The following ANO2 variants were observed in gnomAD, a reference collection of about 807,000 sequenced individuals.
ANO2 encodes anoctamin 2, also known as anoctamin-2.
A neutral mutation model predicts 124.2 loss-of-function variants in ANO2; 101 were observed. The ratio of observed to expected loss-of-function variants is 0.81; its 90% CI spans 0.69 to 0.96. The LOEUF is 0.96. Ranked by LOEUF, ANO2 falls within the 40% of genes least tolerant of loss-of-function variation. The probability of loss-of-function intolerance (pLI) is 0.00; values close to 1 mark genes in which losing one functional copy is unlikely to be tolerated. For synonymous variants in ANO2, 486 were observed against 482.5 expected, an observed-to-expected ratio of 1.01 and a Z score of -0.09; for missense variants, 1,293 against 1,274.5, an observed-to-expected ratio of 1.01 and a Z score of -0.22.
chr12:5,568,226 G>A (rs1941892607), intron 23 of ANO2, among the ~76,000 whole-genome samples: 2 of 136,242 alleles, frequency 1.5e-5, no homozygotes, highest in South Asian at 2.5e-4. Flanking sequence ...TGCAACCTCC[G>A]CCTCCCAGGT....
intron 1 of ANO2, 38 bp downstream of exon 1, chr12:5,945,158 T>G: frequency 7.8e-7 from 1 of 1,284,586 alleles, no homozygotes; most frequent in Non-Finnish European, 1.0e-6. Context: ...TCCTACCACC[T>G]GTAGGAGACC....
At chr12:5,680,326 T>G (rs932223313) in intron 14 of ANO2, among the ~76,000 whole-genome samples, 8 of 152,070 alleles carry the variant, frequency 5.3e-5, no homozygotes, top group African/African-American at 1.9e-4. Flanking sequence ...AGAATCCACC[T>G]GCACCCACTT....
intron 15 of ANO2, among the ~76,000 whole-genome samples, chr12:5,640,641 T>C (rs4930774): frequency 0.15 from 22,811 of 152,168 alleles, 1,961 homozygotes; most frequent in African/African-American, 0.22. Flanking sequence ...TCATCACTGG[T>C]CATCAGAGAA....
chr12:5,751,012 A>G, intron 10 of ANO2, 42 bp from the exon 11 acceptor site: 2 of 1,536,924 alleles, frequency 1.3e-6, no homozygotes. Context: ...TATTAAGAAC[A>G]TCATATACTT....
At chr12:5,923,258 ACACACACAC>A (rs1565784572) in intron 1 of ANO2, among the ~76,000 whole-genome samples, 286 of 8,668 alleles carry the variant, frequency 0.033, 21 homozygotes, top group African/African-American at 0.091. Context: ...ACACACACAT[ACACACACAC>A]ACACACACAC....
chr12:5,603,349 G>A (rs935595529), intron 19 of ANO2, among the ~76,000 whole-genome samples: 2 of 152,194 alleles, frequency 1.3e-5, no homozygotes, highest in African/African-American at 4.8e-5. Flanking sequence ...TGTTATAAAG[G>A]GAGAAGTTTA....
chr12:5,832,669 A>G (rs1954194250), intron 4 of ANO2, 66 bp from the exon 5 acceptor site: 2 of 1,501,008 alleles, frequency 1.3e-6, no homozygotes. Context: ...TGGCTTCACA[A>G]AAAAAAGCTG....
chr12:5,916,507 A>T (rs1244830965), intron 3 of ANO2, among the ~76,000 whole-genome samples: 4 of 150,952 alleles, frequency 2.6e-5, no homozygotes, highest in African/African-American at 9.7e-5. Context: ...AAAAAAAAAA[A>T]AAAAAAGGCA....
chr12:5,564,113 C>T (rs1214398908), intron 24 of ANO2, among the ~76,000 whole-genome samples: 2 of 152,206 alleles, frequency 1.3e-5, no homozygotes, highest in Non-Finnish European at 2.9e-5. Flanking sequence ...CGGGCCTTCA[C>T]TGACCCAACC....
chr12:5,640,796 G>C (rs187159384), intron 15 of ANO2, among the ~76,000 whole-genome samples: 57 of 152,312 alleles, frequency 3.7e-4, no homozygotes, highest in Non-Finnish European at 6.8e-4. Context: ...CTAGTTCAAC[G>C]ATTGTGGAAG....
chr12:5,739,735 G>A (rs924865651), intron 12 of ANO2, among the ~76,000 whole-genome samples: 2 of 152,066 alleles, frequency 1.3e-5, no homozygotes, highest in Non-Finnish European at 2.9e-5. Flanking sequence ...GGGTCTGCAG[G>A]ATTTTTTGAC....
chr12:5,693,732 C>G (rs1278610247), intron 14 of ANO2, among the ~76,000 whole-genome samples: 1 of 152,170 alleles, frequency 6.6e-6, no homozygotes, highest in Non-Finnish European at 1.5e-5. Context: ...CCACACTGAC[C>G]TCTTTGCTGT....
chr12:5,786,461 C>T (rs953858477), intron 10 of ANO2, among the ~76,000 whole-genome samples: 1 of 152,106 alleles, frequency 6.6e-6, no homozygotes, highest in Non-Finnish European at 1.5e-5. Context: ...ACATGATATC[C>T]CTGTCCCCTT....
intron 16 of ANO2, among the ~76,000 whole-genome samples, chr12:5,627,236 TC>T (rs201143709): frequency 6.6e-6 from 1 of 150,864 alleles, no homozygotes. Flanking sequence ...ATGGAGGGGG[TC>T]CCCCAACAAG....
chr12:5,919,481 G>A (rs1941572210), intron 3 of ANO2, among the ~76,000 whole-genome samples: 1 of 149,074 alleles, frequency 6.7e-6, no homozygotes. Context: ...AAAGCAGAGA[G>A]GGCAACAGCA....
rs76299229 is a variant in ANO2 at position 5,924,789 on chromosome 12, T to C, written c.23-1985A>G. Among the ~76,000 whole-genome samples the C allele has an allele frequency of 9.8e-3, 1,489 of 152,186 alleles. 16 individuals carry two copies. The highest frequency in any genetic ancestry group is 0.034 in the African/African-American group (1,397 of 41,492). Reference sequence around the variant, plus strand: ...TGCAGATTCCCACAGCCTCCCTCTTTCCCCCACAGCCTGCTTTTCCCCGTT... The same window carrying C: ...TGCAGATTCCCACAGCCTCCCTCTTCCCCCCACAGCCTGCTTTTCCCCGTT... On this transcript the variant is annotated intron_variant, in intron 1 of 24. Transcript: ENST00000682330.
chr12:5,889,114 C>T lies in ANO2; in HGVS notation c.534+31926G>A, dbSNP rs552869411. ...CAGGTGCTAAGCCTCTCACTGCCCA[C>T]GGCCGGCGGGCCGGCTGGTTGCTCC... On this transcript the variant is annotated intron_variant, in intron 3 of 24. Coordinates refer to ENST00000682330, the MANE Select transcript of ANO2 (RefSeq NM_001364791.2). Among the ~76,000 whole-genome samples, 384 of 152,340 alleles carry T rather than the reference C, an allele frequency of 2.5e-3. 3 individuals are homozygous for T. Among genetic ancestry groups the T allele is most frequent in the African/African-American group, 8.7e-3 (363 of 41,592 alleles).
At chr12:5,722,663 G>A (rs1391278513) in intron 14 of ANO2, among the ~76,000 whole-genome samples, 1 of 152,150 alleles carries the variant, frequency 6.6e-6, no homozygotes, top group Non-Finnish European at 1.5e-5. Context: ...TGGCACCCTG[G>A]GGTGTCTCGG....
intron 3 of ANO2, among the ~76,000 whole-genome samples, chr12:5,903,857 A>T (rs761970586): frequency 1.3e-5 from 2 of 152,184 alleles, no homozygotes; most frequent in African/African-American, 2.4e-5. Context: ...TTAGGCTAAG[A>T]TTAATGACTG....
Sources: allele counts gnomAD v4.1 joint callset (sites outside exome capture counted in the v4.1 genomes callset), GRCh38; gene constraint gnomAD v4.1.1; transcripts MANE v1.5; gene names NCBI Gene and HGNC (gene_info 2026-07-23, HGNC 2026-07-21).